The following WDR70 variants were observed in gnomAD, a reference collection of about 807,000 sequenced individuals.
WDR70 encodes WD repeat-containing protein 70.
A neutral mutation model predicts 88.6 loss-of-function variants in WDR70; 53 were observed. The ratio of observed to expected loss-of-function variants is 0.60; its 90% confidence interval spans 0.48 to 0.75. The LOEUF (loss-of-function observed/expected upper bound fraction) is 0.75, where lower values mean the gene tolerates loss of function less well. Ranked by LOEUF, WDR70 falls within the 30% of genes least tolerant of loss-of-function variation. The pLI is 0.00. For synonymous variants in WDR70, 280 were observed against 270.0 expected (o/e 1.04, Z -0.36); for missense variants, 610 against 823.2 (o/e 0.74, Z 3.17).
At chr5:37,719,261 C>T (rs1289273049) in intron 13 of WDR70, among the ~76,000 whole-genome samples, 3 of 151,958 alleles carry the variant, frequency 2.0e-5, no homozygotes, top group East Asian at 1.9e-4. Flanking sequence ...TCTTCCCAAC[C>T]AGGAGCAATT....
intron 8 of WDR70, among the ~76,000 whole-genome samples, chr5:37,502,530 T>G (rs1484598159): frequency 6.6e-6 from 1 of 152,244 alleles, no homozygotes. Flanking sequence ...ATGTTTTTTA[T>G]GCATCCATTG....
At chr5:37,634,489 G>C (rs1744905266) in intron 10 of WDR70, among the ~76,000 whole-genome samples, 1 of 152,030 alleles carries the variant, frequency 6.6e-6, no homozygotes, top group Non-Finnish European at 1.5e-5. Flanking sequence ...TACCTCTTTT[G>C]GTGGCATTGG....
At chr5:37,655,946 G>A (rs2112568187) in intron 10 of WDR70, among the ~76,000 whole-genome samples, 1 of 152,018 alleles carries the variant, frequency 6.6e-6, no homozygotes, top group South Asian at 2.1e-4. Context: ...TTGTCAACTT[G>A]TCAAACTTAT....
At position 37,393,363 on chromosome 5, in the gene WDR70, A is replaced by G. The variant is rs574511433; in HGVS notation, c.296+1243A>G. On this transcript the variant is annotated intron_variant, in intron 4 of 17. Coordinates refer to ENST00000265107, the MANE Select transcript of WDR70 (RefSeq NM_018034.4). The stretch of plus-strand genomic sequence containing the variant: ...CGTTATTATTCTTTTTTTAGTGTCA[A>G]TGTCATTTGTAGTTCTGCTCTGATT... Among the ~76,000 whole-genome samples, 245 of 152,186 alleles carry G rather than the reference A, an allele frequency of 1.6e-3. 1 individual carries two copies. Among genetic ancestry groups the G allele is most frequent in the African/African-American group, 5.5e-3 (227 of 41,554 alleles).
chr5:37,451,294 T>G (rs900312934), intron 7 of WDR70, among the ~76,000 whole-genome samples: 4 of 152,180 alleles, frequency 2.6e-5, no homozygotes, highest in African/African-American at 9.7e-5. Flanking sequence ...AATTTCTGTT[T>G]GATTGAGTAT....
intron 10 of WDR70, among the ~76,000 whole-genome samples, chr5:37,673,507 C>T (rs1746090344): frequency 6.6e-6 from 1 of 151,838 alleles, no homozygotes; most frequent in Admixed American, 6.6e-5. Context: ...AACTAATTTA[C>T]ACTCCCACCA....
intron 5 of WDR70, among the ~76,000 whole-genome samples, chr5:37,402,943 C>T (rs1342079282): frequency 4.8e-5 from 2 of 41,714 alleles, no homozygotes; most frequent in Non-Finnish European, 9.4e-5. Flanking sequence ...TCCCTCCCTC[C>T]GTTTTTTTTT....
intron 5 of WDR70, among the ~76,000 whole-genome samples, chr5:37,405,751 A>G (rs1478967179): frequency 6.6e-6 from 1 of 152,154 alleles, no homozygotes; most frequent in Non-Finnish European, 1.5e-5. Flanking sequence ...CTCATCTCAA[A>G]AAGGATTTAA....
chr5:37,583,645 G>C (rs113808630), intron 9 of WDR70, among the ~76,000 whole-genome samples: 22 of 121,680 alleles, frequency 1.8e-4, no homozygotes, highest in African/African-American at 6.7e-4. Flanking sequence ...CCTTTGAAAG[G>C]ATGATTGACT....
At chr5:37,392,175 G>A in intron 4 of WDR70, 55 bp downstream of exon 4, 1 of 1,419,180 alleles carries the variant, frequency 7.0e-7, no homozygotes, top group Non-Finnish European at 9.5e-7. Flanking sequence ...GGTGTTTATA[G>A]AGTTTTTTTT....
At chr5:37,434,049 A>G (rs1428190901) in intron 5 of WDR70, among the ~76,000 whole-genome samples, 1 of 152,264 alleles carries the variant, frequency 6.6e-6, no homozygotes, top group African/African-American at 2.4e-5. Flanking sequence ...TGTAAAGGAA[A>G]GAGGTTTAAT....
chr5:37,645,890 A>G (rs114401590), intron 10 of WDR70, among the ~76,000 whole-genome samples: 1,901 of 152,162 alleles, frequency 0.012, 27 homozygotes, highest in Non-Finnish European at 0.018. Context: ...CTTGTAAGCA[A>G]CAGGTCATTG....
chr5:37,424,227 G>A (rs1468874182), intron 5 of WDR70, among the ~76,000 whole-genome samples: 1 of 143,480 alleles, frequency 7.0e-6, no homozygotes, highest in Non-Finnish European at 1.5e-5. Context: ...GTGTGTTTTT[G>A]GAATTAAAGT....
At chr5:37,511,547 A>G (rs1052518127) in intron 8 of WDR70, among the ~76,000 whole-genome samples, 12 of 151,998 alleles carry the variant, frequency 7.9e-5, no homozygotes, top group Admixed American at 7.9e-4. Context: ...TTTTAAGGAG[A>G]GGTGATTGTT....
At chr5:37,481,127 GC>G (rs1190061303) in intron 8 of WDR70, among the ~76,000 whole-genome samples, 3 of 152,214 alleles carry the variant, frequency 2.0e-5, no homozygotes, top group African/African-American at 7.2e-5. Context: ...GCAGGGTACA[GC>G]CCCCCTTCTG....
chr5:37,599,240 C>T (rs1304296411), intron 9 of WDR70, among the ~76,000 whole-genome samples: 2 of 152,220 alleles, frequency 1.3e-5, no homozygotes, highest in Non-Finnish European at 1.5e-5. Context: ...CTATATAAAA[C>T]CCAGAGTAAT....
chr5:37,740,657 C>T (rs965612972), intron 17 of WDR70, among the ~76,000 whole-genome samples: 7 of 152,198 alleles, frequency 4.6e-5, no homozygotes, highest in Non-Finnish European at 8.8e-5. Flanking sequence ...TCAAAGACCA[C>T]TCCTTTAAGG....
chr5:37,633,857 T>G (rs1250704757), intron 10 of WDR70, among the ~76,000 whole-genome samples: 1 of 152,182 alleles, frequency 6.6e-6, no homozygotes, highest in Non-Finnish European at 1.5e-5. Context: ...AGTAGTCCTC[T>G]TATATAAACC....
intron 9 of WDR70, among the ~76,000 whole-genome samples, chr5:37,532,028 A>G (rs1283728425): frequency 1.3e-5 from 2 of 152,082 alleles, no homozygotes; most frequent in Non-Finnish European, 2.9e-5. Flanking sequence ...GCTTAGTTTC[A>G]CTGGATACAA....
Sources: gnomAD v4.1 joint callset for allele counts (sites outside exome capture counted in the v4.1 genomes callset) on GRCh38, gnomAD v4.1.1 for gene constraint, MANE v1.5 for transcripts, NCBI Gene and HGNC (gene_info 2026-07-23, HGNC 2026-07-21) for gene names.